MBTD1: variants seen among roughly 807,000 people sequenced by gnomAD.
The protein encoded by MBTD1 is MBT domain-containing protein 1.
MBTD1 carries 24 observed loss-of-function variants against 87.8 expected under a neutral mutation model. The observed-to-expected ratio is 0.27, with a 90% CI of 0.20 to 0.38. The LOEUF (loss-of-function observed/expected upper bound fraction) is 0.38, where lower values mean the gene tolerates loss of function less well. Among genes scored for constraint, MBTD1 ranks in the 10% least tolerant of loss-of-function variants. The pLI is 1.00. For missense variants in MBTD1, 436 were observed against 760.2 expected (o/e 0.57, Z 5.02); for synonymous variants, 237 against 248.6 (o/e 0.95, Z 0.44).
intron 7 of MBTD1, among the ~76,000 whole-genome samples, chr17:51,204,490 T>C (rs567712085): frequency 1.1e-4 from 12 of 108,308 alleles, no homozygotes; most frequent in Non-Finnish European, 1.8e-4. Context: ...ATTTATATTA[T>C]ATATAATTAT....
chr17:51,246,026 T>C (rs1344729224), intron 2 of MBTD1, among the ~76,000 whole-genome samples: 1 of 152,244 alleles, frequency 6.6e-6, no homozygotes, highest in Non-Finnish European at 1.5e-5. Flanking sequence ...ATGTTTTATA[T>C]AGCCTGCTTC....
intron 11 of MBTD1, 148 bp downstream of exon 11, chr17:51,201,874 A>C (rs2051512064): frequency 4.3e-6 from 3 of 701,280 alleles, no homozygotes; most frequent in Non-Finnish European, 7.3e-6. Context: ...AATAATTATA[A>C]TAAAGAGTTG....
intron 16 of MBTD1, among the ~76,000 whole-genome samples, chr17:51,187,707 G>GT (rs2050603642): frequency 6.6e-6 from 1 of 151,812 alleles, no homozygotes; most frequent in Non-Finnish European, 1.5e-5. Flanking sequence ...AAAATTAGCC[G>GT]TAAGTAGTGG....
chr17:51,217,400 A>T lies in MBTD1; in HGVS notation c.420T>A (p.Gly140=), dbSNP rs1205924580. The T allele has an allele frequency of 6.5e-7, 1 of 1,528,054 alleles. No homozygotes were observed. The highest frequency in any genetic ancestry group is 8.8e-7 in the Non-Finnish European group (1 of 1,134,114). The allele number at this position is 1,528,054 out of a possible 1,614,324, so 94.7% of individuals were successfully genotyped here. A position where few individuals can be genotyped will look rare whatever the true frequency, so the allele number is the denominator to read the frequency against. ...AKTKAAVSME[G]FSWGNYINSN... ...TATTGATGTAGTTACCCCAGCTGAA[A>T]CCTTCCATGGAGACTGCTAAAATGA... is the stretch of plus-strand genomic sequence containing the variant. The change falls in exon 6 of 17, where the codon GGT becomes GGA. Residue 140 remains glycine, a synonymous_variant. Coordinates refer to ENST00000586178, the MANE Select transcript of MBTD1 (RefSeq NM_017643.3).
intron 2 of MBTD1, among the ~76,000 whole-genome samples, chr17:51,238,133 G>T (rs1024571070): frequency 6.6e-6 from 1 of 152,110 alleles, no homozygotes; most frequent in Non-Finnish European, 1.5e-5. Context: ...GGAGCATGAG[G>T]AAACTTTTAG....
chr17:51,220,535 A>C (rs1327696819), intron 3 of MBTD1, 72 bp from the exon 4 acceptor site: 1 of 1,343,916 alleles, frequency 7.4e-7, no homozygotes, highest in Admixed American at 2.6e-5. Context: ...CAGTTTAAAT[A>C]ATTTCTCCTG....
chr17:51,260,559 G>T (rs776083391), upstream of MBTD1: 10 of 1,598,784 alleles, frequency 6.3e-6, no homozygotes, highest in South Asian at 1.0e-4. Flanking sequence ...CCACGTGAGC[G>T]CCTGCGTTTC....
rs59376007 is a variant in MBTD1 at position 51,202,579 on chromosome 17, G to A, written c.1063+122C>T. The A allele has an allele frequency of 4.2e-4, 309 of 735,864 alleles. 2 individuals carry two copies. In the East Asian group the frequency reaches 7.6e-3, roughly 18 times the overall value. The allele number at this position is 735,864 out of a possible 1,614,324, so 45.6% of individuals were successfully genotyped here. ...TGAACCTTCACTAATTAAGGTAGAAGAAGCAGCCCAAACAACTAGAATGCT... is the reference window on the plus strand; with the variant it reads ...TGAACCTTCACTAATTAAGGTAGAAAAAGCAGCCCAAACAACTAGAATGCT... On this transcript the variant is annotated intron_variant, in intron 10 of 16. Coordinates refer to ENST00000586178, the MANE Select transcript of MBTD1 (RefSeq NM_017643.3).
rs557377070 is a variant in MBTD1 at position 51,235,976 on chromosome 17, A to G, written c.-48-10767T>C. Among the ~76,000 whole-genome samples, 3 of 152,266 alleles carry G rather than the reference A, an allele frequency of 2.0e-5. No homozygotes were observed. The East Asian group carries it at 5.8e-4, about 29-fold the overall frequency. On this transcript the variant is annotated intron_variant, in intron 2 of 16. Coordinates refer to ENST00000586178, the MANE Select transcript of MBTD1 (RefSeq NM_017643.3). The stretch of plus-strand genomic sequence containing the variant: ...AAAAAGATCAATGAAACAGAATAAG[A>G]GTCCATAAATAGACCTCTATCTATC...
chr17:51,234,087 C>A (rs1476475563), intron 2 of MBTD1, among the ~76,000 whole-genome samples: 2 of 151,984 alleles, frequency 1.3e-5, no homozygotes, highest in African/African-American at 2.4e-5. Context: ...ATCCCAATAT[C>A]ATAAATGAAA....
chr17:51,217,001 C>T (rs2052608096), intron 6 of MBTD1, among the ~76,000 whole-genome samples: 1 of 151,932 alleles, frequency 6.6e-6, no homozygotes, highest in Admixed American at 6.6e-5. Flanking sequence ...AGGAGTTTGA[C>T]ACCAGCCTGG....
chr17:51,209,689 AC>A (rs2052056001), intron 6 of MBTD1, among the ~76,000 whole-genome samples: 1 of 152,204 alleles, frequency 6.6e-6, no homozygotes, highest in South Asian at 2.1e-4. Context: ...AGAGCTGCCA[AC>A]CAAAGACAAC....
chr17:51,260,615 C>T (rs757348078), upstream of MBTD1: 33 of 1,612,724 alleles, frequency 2.0e-5, no homozygotes, highest in South Asian at 7.7e-5. Context: ...ACGAATGAAA[C>T]TGGACCGGAG....
At chr17:51,260,821 G>C, upstream of MBTD1, 3 of 1,594,368 alleles carry the variant, frequency 1.9e-6, no homozygotes, top group South Asian at 1.1e-5. Context: ...ACCGCCTGAG[G>C]CTGGAGGAGG....
chr17:51,260,451 G>T, upstream of MBTD1: 2 of 955,402 alleles, frequency 2.1e-6, no homozygotes, highest in Non-Finnish European at 3.1e-6. Context: ...GGGAGGGAGT[G>T]CTGGTCACGT....
chr17:51,240,112 T>C (rs1025518078), intron 2 of MBTD1, among the ~76,000 whole-genome samples: 1 of 152,216 alleles, frequency 6.6e-6, no homozygotes, highest in East Asian at 1.9e-4. Context: ...TATAAATCTA[T>C]AACTGTTCTC....
At chr17:51,209,400 G>C (rs777243671) in intron 6 of MBTD1, 1 of 471,178 alleles carries the variant, frequency 2.1e-6, no homozygotes, top group Admixed American at 2.3e-5. Context: ...AGGGCCACTC[G>C]TGAGGGCTAT....
intron 16 of MBTD1, chr17:51,185,751 T>C (rs751812133): frequency 6.6e-6 from 1 of 152,194 alleles, no homozygotes; most frequent in Non-Finnish European, 1.5e-5. Context: ...CCATGAAATA[T>C]TCCAAGTTGT....
intron 2 of MBTD1, chr17:51,251,751 T>C (rs1289347244): frequency 6.6e-6 from 1 of 152,240 alleles, no homozygotes; most frequent in Non-Finnish European, 1.5e-5. Context: ...CATTTCGTCC[T>C]ATAGGAGTTT....
Sources: allele counts gnomAD v4.1 joint callset (sites outside exome capture counted in the v4.1 genomes callset), GRCh38; gene constraint gnomAD v4.1.1; transcripts MANE v1.5; gene names NCBI Gene and HGNC (gene_info 2026-07-23, HGNC 2026-07-21).